The following LDAH variants were observed in gnomAD, a reference collection of about 807,000 sequenced individuals.
LDAH encodes the protein lipid droplet-associated hydrolase.
LDAH carries 26 observed loss-of-function variants against 29.6 expected under a neutral mutation model. That is an observed-to-expected ratio of 0.88 (90% CI 0.64 to 1.22). The LOEUF (loss-of-function observed/expected upper bound fraction) is 1.22. Ranked by LOEUF, LDAH falls within the 50% of genes most tolerant of loss-of-function variation. LDAH has a pLI of 0.00. For missense variants in LDAH, 344 were observed against 387.3 expected (o/e 0.89, Z 0.94); for synonymous variants, 117 against 133.0 (o/e 0.88, Z 0.83).
chr2:20,713,485 G>T (rs542473135), intron 5 of LDAH, among the ~76,000 whole-genome samples: 6 of 152,218 alleles, frequency 3.9e-5, no homozygotes, highest in African/African-American at 1.4e-4. Context: ...CAAGTAATGG[G>T]CAAAATAACC....
chr2:20,683,092 C>G (rs1662360853), downstream of LDAH, among the ~76,000 whole-genome samples: 2 of 152,200 alleles, frequency 1.3e-5, no homozygotes, highest in South Asian at 4.1e-4. Context: ...CCACCCAGAG[C>G]TTTCTTTGAC....
chr2:20,813,724 C>T (rs1229635076), intron 1 of LDAH, among the ~76,000 whole-genome samples: 1 of 152,202 alleles, frequency 6.6e-6, no homozygotes. Flanking sequence ...GCAACCCTAT[C>T]ATCACTAAGT....
chr2:20,699,077 CA>C (rs1663718977), intron 6 of LDAH, among the ~76,000 whole-genome samples: 1 of 152,166 alleles, frequency 6.6e-6, no homozygotes, highest in African/African-American at 2.4e-5. Flanking sequence ...TTTCCTGTGG[CA>C]TTCTGGCTGG....
chr2:20,793,760 A>G (rs1671122416), intron 2 of LDAH, among the ~76,000 whole-genome samples: 1 of 143,288 alleles, frequency 7.0e-6, no homozygotes, highest in South Asian at 2.1e-4. Context: ...TACATTTAGC[A>G]ACTTAGATAA....
At chr2:20,721,091 C>T (rs1665616001) in intron 5 of LDAH, among the ~76,000 whole-genome samples, 1 of 151,912 alleles carries the variant, frequency 6.6e-6, no homozygotes, top group South Asian at 2.1e-4. Context: ...GGTAAGACCT[C>T]AAAAACACAG....
intron 6 of LDAH, among the ~76,000 whole-genome samples, chr2:20,687,918 A>C (rs779376854): frequency 2.0e-5 from 3 of 152,250 alleles, no homozygotes; most frequent in Non-Finnish European, 4.4e-5. Flanking sequence ...CTAAATCTTA[A>C]GGATCCTTTG....
intron 5 of LDAH, among the ~76,000 whole-genome samples, chr2:20,714,393 G>A (rs1346229049): frequency 6.6e-6 from 1 of 152,114 alleles, no homozygotes; most frequent in African/African-American, 2.4e-5. Flanking sequence ...TGTGTAGAGG[G>A]AAATTTGTAG....
chr2:20,729,519 C>T (rs936706246), intron 5 of LDAH, among the ~76,000 whole-genome samples: 4 of 152,154 alleles, frequency 2.6e-5, no homozygotes, highest in Non-Finnish European at 5.9e-5. Context: ...GTGTCCTCAG[C>T]CCTGGGACTC....
chr2:20,813,825 T>C (rs190878287), intron 1 of LDAH, among the ~76,000 whole-genome samples: 2 of 152,346 alleles, frequency 1.3e-5, no homozygotes, highest in African/African-American at 4.8e-5. Context: ...TGTTTAAGCA[T>C]TTTTTCATGT....
In LDAH at chr2:20,684,939, T is replaced by C. The variant is rs1240205913; in HGVS notation, c.*1964A>G. ...ATTCTTCCACCTATGAAAAAAGCAA[T>C]GAGAAAGGTGGCTTTTCACTTTAAA... On this transcript the variant is annotated 3_prime_UTR_variant, in exon 7 of 7. Coordinates refer to ENST00000237822, the MANE Select transcript of LDAH (RefSeq NM_021925.4). The C allele has an allele frequency of 1.9e-6, 3 of 1,549,716 alleles. No individual in the cohort carries two copies. Among genetic ancestry groups the C allele is most frequent in the Admixed American group, 2.0e-5 (1 of 50,878 alleles).
At chr2:20,781,958 T>C (rs1670223338) in intron 3 of LDAH, among the ~76,000 whole-genome samples, 1 of 152,154 alleles carries the variant, frequency 6.6e-6, no homozygotes, top group South Asian at 2.1e-4. Flanking sequence ...GATAAACATA[T>C]TCAAAGTAAA....
intron 6 of LDAH, among the ~76,000 whole-genome samples, chr2:20,692,023 T>TG (rs999792634): frequency 7.4e-4 from 112 of 152,270 alleles, no homozygotes; most frequent in African/African-American, 2.5e-3. Context: ...CCCCACTTTT[T>TG]GGGGGGTCTA....
In LDAH at chr2:20,762,063, A is replaced by G. The variant is rs142005168; in HGVS notation, c.468+12747T>C. 3.1e-3 allele frequency among the ~76,000 whole-genome samples: 471 copies of G among 152,110 alleles called. 2 individuals are homozygous for G. The highest frequency in any genetic ancestry group is 9.5e-3 in the African/African-American group (396 of 41,532). ...ATACAGTTGTATTCACACATTCTCT[A>G]TGTATTCTGACATCCTTAATATTCT... On this transcript the variant is annotated intron_variant, in intron 4 of 6. Transcript: ENST00000237822.
At chr2:20,732,761 G>C (rs1666498814) in intron 5 of LDAH, among the ~76,000 whole-genome samples, 1 of 152,036 alleles carries the variant, frequency 6.6e-6, no homozygotes, top group Non-Finnish European at 1.5e-5. Flanking sequence ...TTGGTAATTT[G>C]TGTCTTCAGC....
intron 4 of LDAH, among the ~76,000 whole-genome samples, chr2:20,772,764 G>C (rs1429877890): frequency 1.3e-5 from 2 of 152,118 alleles, no homozygotes; most frequent in African/African-American, 4.8e-5. Context: ...TAGACAGGCC[G>C]ACACGTTAAA....
At chr2:20,791,223 A>G (rs1415919101) in intron 2 of LDAH, among the ~76,000 whole-genome samples, 2 of 152,220 alleles carry the variant, frequency 1.3e-5, no homozygotes, top group Non-Finnish European at 2.9e-5. Flanking sequence ...GGTTAAGAGC[A>G]TAGACTCTGA....
At chr2:20,789,284 G>C in intron 3 of LDAH, 1 of 1,550,244 alleles carries the variant, frequency 6.5e-7, no homozygotes, top group Non-Finnish European at 8.7e-7. Context: ...GAGCCCGCGA[G>C]AGTCCCAAGA....
intron 5 of LDAH, among the ~76,000 whole-genome samples, chr2:20,716,667 G>A (rs1434544506): frequency 1.3e-5 from 2 of 149,846 alleles, no homozygotes; most frequent in East Asian, 2.0e-4. Context: ...CATGGCACAT[G>A]TATACCTATG....
chr2:20,698,255 G>A lies in LDAH; in HGVS notation c.786+3315C>T, dbSNP rs1663643827. Among the ~76,000 whole-genome samples the A allele has an allele frequency of 6.6e-6, 1 of 152,188 alleles. No individual in the cohort carries two copies. The highest frequency in any genetic ancestry group is 2.4e-5 in the African/African-American group (1 of 41,430). On this transcript the variant is annotated intron_variant, in intron 6 of 6. Coordinates refer to ENST00000237822, the MANE Select transcript of LDAH (RefSeq NM_021925.4). The surrounding 1 kb of genome is among the most constrained non-coding windows in gnomAD (Gnocchi z 4.4). ...GACACAGCTCCTTACCTCAACGTGG[G>A]GAAAGGTGAAGGTTGATTGTTTAAA...
Sources: gnomAD v4.1 joint callset for allele counts (sites outside exome capture counted in the v4.1 genomes callset) on GRCh38, gnomAD v4.1.1 for gene constraint, Gnocchi (gnomAD v3.1) non-coding constraint, MANE v1.5 for transcripts, NCBI Gene and HGNC (gene_info 2026-07-23, HGNC 2026-07-21) for gene names.